TENM2: variants seen among roughly 807,000 people sequenced by gnomAD.
TENM2 encodes teneurin transmembrane protein 2, also known as teneurin-2.
TENM2 carries 52 observed loss-of-function variants against 245.2 expected under a neutral mutation model. The observed-to-expected ratio is 0.21, with a 90% CI of 0.17 to 0.27. The LOEUF is 0.27. TENM2 is among the 10% of genes least tolerant of loss of function. The probability of loss-of-function intolerance (pLI) is 1.00; values close to 1 mark genes in which losing one functional copy is unlikely to be tolerated. For synonymous variants in TENM2, 1,363 were observed against 1,438.9 expected (o/e 0.95, Z 1.19); for missense variants, 3,046 against 3,666.8 (o/e 0.83, Z 4.37).
intron 2 of TENM2, among the ~76,000 whole-genome samples, chr5:167,599,212 G>T (rs986075732): frequency 6.6e-6 from 1 of 152,160 alleles, no homozygotes; most frequent in East Asian, 1.9e-4. Flanking sequence ...GAAATTTTTT[G>T]GGCTGAGTGT....
At chr5:168,223,450 G>A (rs565667892) in intron 23 of TENM2, among the ~76,000 whole-genome samples, 68 of 150,362 alleles carry the variant, frequency 4.5e-4, no homozygotes, top group African/African-American at 1.6e-3. Context: ...AAACATGAAA[G>A]TATTGATTAC....
chr5:167,754,435 G>C (rs534770081), intron 2 of TENM2, among the ~76,000 whole-genome samples: 19 of 152,034 alleles, frequency 1.2e-4, no homozygotes, highest in Admixed American at 1.2e-3. Flanking sequence ...ATCACATCTC[G>C]TCCTTCTGGA....
intron 8 of TENM2, 106 bp from the exon 11 acceptor site, chr5:168,097,920 C>A: frequency 2.7e-6 from 2 of 750,374 alleles, no homozygotes; most frequent in Non-Finnish European, 4.6e-6. Context: ...TGACAGGCAT[C>A]TGAGATTACT....
At chr5:167,654,661 G>T (rs541974732) in intron 2 of TENM2, among the ~76,000 whole-genome samples, 2 of 151,596 alleles carry the variant, frequency 1.3e-5, no homozygotes, top group South Asian at 4.2e-4. Flanking sequence ...GGGAGGGTTT[G>T]TGATGGTATT....
At chr5:167,709,562 CT>C (rs1364918346) in intron 2 of TENM2, among the ~76,000 whole-genome samples, 3 of 152,210 alleles carry the variant, frequency 2.0e-5, no homozygotes, top group Non-Finnish European at 2.9e-5. Context: ...TCCAACTGGT[CT>C]TTGCTCTTGC....
chr5:167,159,195 G>C, the TENM2 span, among the ~76,000 whole-genome samples: 1 of 151,720 alleles, frequency 6.6e-6, no homozygotes, highest in Non-Finnish European at 1.5e-5. Flanking sequence ...TGCCCACCGA[G>C]GCCTCCCAAA....
At chr5:167,854,646 T>C (rs1401943752) in intron 2 of TENM2, among the ~76,000 whole-genome samples, 1 of 152,228 alleles carries the variant, frequency 6.6e-6, no homozygotes, top group Non-Finnish European at 1.5e-5. Context: ...GGCATCATTT[T>C]CAAATATTTG....
intron 1 of TENM2, among the ~76,000 whole-genome samples, chr5:167,295,606 A>G (rs1288468162): frequency 6.6e-6 from 1 of 152,232 alleles, no homozygotes; most frequent in East Asian, 1.9e-4. Flanking sequence ...GATATTATCA[A>G]AGGAGACATT....
Position 168,247,891 on chromosome 5 carries a change from C to G in TENM2, c.6952C>G (p.His2318Asp), listed in dbSNP as rs369687041. The G allele has an allele frequency of 6.2e-7, 1 of 1,613,978 alleles. No homozygotes were observed. Among genetic ancestry groups the G allele is most frequent in the Non-Finnish European group, 8.5e-7 (1 of 1,179,880 alleles). ...TTCCTACAAGACCAACCTGGGCCAC[C>G]ACCTGCAGTACTTCTACTCTGACCT... The change falls in exon 27 of 29, where the codon CAC becomes GAC. Residue 2318 changes from histidine (H) to aspartate (D), a missense_variant. Around this residue, in one of 2 missense-constraint regions of TENM2, gnomAD observed 2,704 missense variants for 3,331.9 expected, o/e 0.81. Coordinates refer to ENST00000518659, the Ensembl canonical transcript of TENM2. The surrounding 1 kb of genome is among the most constrained non-coding windows in gnomAD (Gnocchi z 7.8).
chr5:168,114,385 A>G (rs1179092408), intron 9 of TENM2, among the ~76,000 whole-genome samples: 1 of 152,196 alleles, frequency 6.6e-6, no homozygotes, highest in Non-Finnish European at 1.5e-5. Flanking sequence ...AGTCAGTGTC[A>G]TTTTTCTATA....
chr5:167,784,264 AT>A (rs1313239654), intron 2 of TENM2, among the ~76,000 whole-genome samples: 3 of 152,192 alleles, frequency 2.0e-5, no homozygotes, highest in African/African-American at 7.2e-5. Flanking sequence ...GGGGAAACAA[AT>A]AGTGATGCCC....
intron 2 of TENM2, among the ~76,000 whole-genome samples, chr5:167,682,335 G>C (rs1173582753): frequency 1.3e-5 from 2 of 151,660 alleles, no homozygotes; most frequent in Admixed American, 1.3e-4. Flanking sequence ...GCTAATTTTT[G>C]TATTTTTAAT....
chr5:167,091,809 A>C, the TENM2 span, among the ~76,000 whole-genome samples: 3 of 152,200 alleles, frequency 2.0e-5, no homozygotes, highest in African/African-American at 7.2e-5. Flanking sequence ...TTTGTCTAAC[A>C]ACCAAGTAGA....
chr5:167,657,279 A>C (rs180919450), intron 2 of TENM2, among the ~76,000 whole-genome samples: 71 of 152,360 alleles, frequency 4.7e-4, no homozygotes, highest in African/African-American at 1.6e-3. Flanking sequence ...AATATCCTTC[A>C]GTTCCACCCA....
At chr5:167,125,931 AC>A in the TENM2 span, among the ~76,000 whole-genome samples, 1 of 152,174 alleles carries the variant, frequency 6.6e-6, no homozygotes, top group Admixed American at 6.5e-5. Flanking sequence ...CTTTTTCCCA[AC>A]AACTGAGGGT....
chr5:168,199,719 CT>C (rs1761767581), intron 16 of TENM2, 144 bp from the exon 19 acceptor site: 13 of 786,758 alleles, frequency 1.7e-5, no homozygotes, highest in Non-Finnish European at 2.5e-5. Context: ...TGTTGTTTTT[CT>C]TTCTCAGTGG....
intron 7 of TENM2, among the ~76,000 whole-genome samples, chr5:168,070,819 G>GAAAA (rs767578367): frequency 9.0e-6 from 1 of 111,490 alleles, no homozygotes; most frequent in African/African-American, 3.5e-5. Context: ...GAGAGAGAGA[G>GAAAA]AAAAAAAGAA....
chr5:167,836,284 A>G (rs1414410499), intron 2 of TENM2, among the ~76,000 whole-genome samples: 1 of 152,152 alleles, frequency 6.6e-6, no homozygotes, highest in Non-Finnish European at 1.5e-5. Flanking sequence ...TAAATTTTTA[A>G]TTGCCCTTCA....
chr5:167,071,881 C>CCT, the TENM2 span, among the ~76,000 whole-genome samples: 1 of 139,926 alleles, frequency 7.1e-6, no homozygotes, highest in Non-Finnish European at 1.6e-5. Context: ...ACAAATCGCC[C>CCT]CCCCCCGCCC....
Sources: allele counts gnomAD v4.1 joint callset (sites outside exome capture counted in the v4.1 genomes callset), GRCh38; gene constraint gnomAD v4.1.1; regional missense constraint gnomAD v4.1.1; non-coding constraint Gnocchi (gnomAD v3.1); transcripts MANE v1.5; gene names NCBI Gene and HGNC (gene_info 2026-07-23, HGNC 2026-07-21).